The following SSH2 variants were observed in gnomAD, a reference collection of about 807,000 sequenced individuals.
SSH2 encodes the protein slingshot protein phosphatase 2.
In SSH2, 37 loss-of-function variants were observed where a neutral mutation model predicts 135.2. That is an observed-to-expected ratio of 0.27 (90% CI 0.21 to 0.36). The LOEUF (loss-of-function observed/expected upper bound fraction) is 0.36, where lower values mean the gene tolerates loss of function less well. Among genes scored for constraint, SSH2 ranks in the 10% least tolerant of loss-of-function variants. SSH2 has a pLI of 1.00. For synonymous variants in SSH2, 628 were observed against 646.2 expected, an observed-to-expected ratio of 0.97 and a Z score of 0.43; for missense variants, 1,408 against 1,765.3, an observed-to-expected ratio of 0.80 and a Z score of 3.63.
chr17:29,740,271 C>T, intron 3 of SSH2, among the ~76,000 whole-genome samples: 1 of 152,202 alleles, frequency 6.6e-6, no homozygotes, highest in Non-Finnish European at 1.5e-5. Context: ...AGAACTGCTG[C>T]CACTACAAAG....
chr17:29,682,106 T>C (rs1483867492), intron 6 of SSH2, among the ~76,000 whole-genome samples: 1 of 152,240 alleles, frequency 6.6e-6, no homozygotes, highest in Non-Finnish European at 1.5e-5. Flanking sequence ...TATAAACTAC[T>C]GGATACCTAT....
intron 14 of SSH2, chr17:29,645,081 C>T (rs1232312205): frequency 1.3e-5 from 2 of 152,250 alleles, no homozygotes; most frequent in Middle Eastern, 3.2e-3. Flanking sequence ...GGCACATACA[C>T]GTGTCTTCTG....
At chr17:29,641,834 AGT>A (rs1469334453) in intron 14 of SSH2, 1 of 152,058 alleles carries the variant, frequency 6.6e-6, no homozygotes, top group East Asian at 1.9e-4. Context: ...CTAAAAATGG[AGT>A]ACTTGCGCCT....
intron 8 of SSH2, among the ~76,000 whole-genome samples, chr17:29,675,042 T>C (rs762921015): frequency 2.0e-5 from 3 of 152,252 alleles, no homozygotes; most frequent in Non-Finnish European, 4.4e-5. Flanking sequence ...TACTGCTGTT[T>C]GGTTTTACTT....
intron 3 of SSH2, among the ~76,000 whole-genome samples, chr17:29,756,603 T>C (rs1306814435): frequency 6.6e-6 from 1 of 152,042 alleles, no homozygotes; most frequent in Non-Finnish European, 1.5e-5. Flanking sequence ...CCACTGCCCT[T>C]GGCTCCAATT....
chr17:29,746,446 G>C (rs1158962940), intron 3 of SSH2, among the ~76,000 whole-genome samples: 1 of 150,264 alleles, frequency 6.7e-6, no homozygotes, highest in Non-Finnish European at 1.5e-5. Context: ...TACTAGGGAG[G>C]CTGAGGCAGG....
At chr17:29,664,854 C>G (rs1477026108) in intron 11 of SSH2, among the ~76,000 whole-genome samples, 2 of 152,004 alleles carry the variant, frequency 1.3e-5, no homozygotes, top group African/African-American at 4.8e-5. Flanking sequence ...CTAAAATATA[C>G]CATTTGAGGA....
chr17:29,653,577 CAGAAGT>C (rs1416224895), intron 12 of SSH2, among the ~76,000 whole-genome samples: 1 of 151,972 alleles, frequency 6.6e-6, no homozygotes, highest in Non-Finnish European at 1.5e-5. Flanking sequence ...CTAGGTTTCC[CAGAAGT>C]ACAGATTTTT....
chr17:29,732,721 G>A (rs1029716268), intron 3 of SSH2, among the ~76,000 whole-genome samples: 2 of 152,160 alleles, frequency 1.3e-5, no homozygotes, highest in African/African-American at 2.4e-5. Context: ...ATAGCAGTGA[G>A]GTCATTACCT....
rs2035501135 is a variant in SSH2, at chr17:29,626,355, AATCAAAC to A, written c.*4479_*4485del. The stretch of plus-strand genomic sequence containing the variant: ...AAACCAAAATCCAACAGAACATAAA[AATCAAAC>A]ATTTCCCTGTGGGCTTACTGATTGG... On this transcript the variant is annotated 3_prime_UTR_variant, in exon 16 of 16. Transcript: ENST00000540801. 1 of 132,748 alleles carries A rather than the reference AATCAAAC, an allele frequency of 7.5e-6. No individual in the cohort carries two copies. Among genetic ancestry groups the A allele is most frequent in the Non-Finnish European group, 1.7e-5 (1 of 59,048 alleles). 8.2% of individuals were successfully genotyped at this position (132,748 alleles called of 1,614,324 possible). A position where few individuals can be genotyped will look rare whatever the true frequency, so the allele number is the denominator to read the frequency against.
chr17:29,883,896 C>T (rs1290723804), intron 1 of SSH2, among the ~76,000 whole-genome samples: 2 of 152,102 alleles, frequency 1.3e-5, no homozygotes, highest in Non-Finnish European at 2.9e-5. Flanking sequence ...CCTTGCATTC[C>T]TCCATCTAGA....
chr17:29,758,959 A>G (rs2041209864), intron 3 of SSH2, among the ~76,000 whole-genome samples: 1 of 152,194 alleles, frequency 6.6e-6, no homozygotes, highest in Non-Finnish European at 1.5e-5. Context: ...TATGTTACCC[A>G]GGATGGTCTT....
At position 29,688,627 on chromosome 17, in the gene SSH2, G is replaced by A. The variant is rs539081313; in HGVS notation, c.358-3943C>T. On this transcript the variant is annotated intron_variant, in intron 5 of 15. Coordinates refer to ENST00000540801, the MANE Select transcript of SSH2 (RefSeq NM_001282129.2). Reference sequence around the variant, plus strand: ...CCACAAGTGCCCGCCACCATGCTTGGCTAATTTTTTGTATCTTTGGTAGAG... The same window carrying A: ...CCACAAGTGCCCGCCACCATGCTTGACTAATTTTTTGTATCTTTGGTAGAG... 2.0e-5 allele frequency among the ~76,000 whole-genome samples: 3 copies of A among 152,108 alleles called. No individual in the cohort carries two copies. The East Asian group carries it at 5.8e-4, about 29-fold the overall frequency.
intron 1 of SSH2, chr17:29,863,552 G>C (rs1013744490): frequency 6.6e-6 from 1 of 152,188 alleles, no homozygotes; most frequent in African/African-American, 2.4e-5. Flanking sequence ...ATCTAGAGCT[G>C]TGACAGCCAT....
chr17:29,909,734 CA>C (rs1158108302), intron 1 of SSH2, among the ~76,000 whole-genome samples: 1 of 152,044 alleles, frequency 6.6e-6, no homozygotes, highest in Non-Finnish European at 1.5e-5. Context: ...TTACACTGAG[CA>C]AAAAAACCAC....
At chr17:29,648,388 G>T in intron 13 of SSH2, 44 bp from the exon 14 acceptor site, 1 of 1,476,226 alleles carries the variant, frequency 6.8e-7, no homozygotes, top group Non-Finnish European at 9.1e-7. Flanking sequence ...AAATACAATA[G>T]TGGGGATATT....
rs538478869 is a variant in SSH2, at chr17:29,687,209, C to T, written c.358-2525G>A. On this transcript the variant is annotated intron_variant, in intron 5 of 15. Coordinates refer to ENST00000540801, the MANE Select transcript of SSH2 (RefSeq NM_001282129.2). ...CAAGGGAAAAAGAGGCATAGTTACA[C>T]GGCTCAAATGACCCATTTAGCAAGG... 6.6e-5 allele frequency among the ~76,000 whole-genome samples: 10 copies of T among 152,256 alleles called. No homozygotes were observed. In the East Asian group the frequency reaches 9.6e-4, roughly 15 times the overall value.
intron 2 of SSH2, among the ~76,000 whole-genome samples, chr17:29,808,916 G>C (rs2042394579): frequency 6.6e-6 from 1 of 152,244 alleles, no homozygotes; most frequent in Non-Finnish European, 1.5e-5. Flanking sequence ...ATTTTGTAAA[G>C]TACTATAAAC....
chr17:29,744,163 G>A (rs1034543532), intron 3 of SSH2, among the ~76,000 whole-genome samples: 12 of 152,202 alleles, frequency 7.9e-5, no homozygotes, highest in African/African-American at 2.9e-4. Context: ...TGGGGTAGGA[G>A]GGGGAGTGGG....
Sources: gnomAD v4.1 joint callset for allele counts (sites outside exome capture counted in the v4.1 genomes callset) on GRCh38, gnomAD v4.1.1 for gene constraint, MANE v1.5 for transcripts, NCBI Gene and HGNC (gene_info 2026-07-23, HGNC 2026-07-21) for gene names.